Variants in SMCHD1 observed in about 807,000 individuals in gnomAD.
SMCHD1 encodes the protein structural maintenance of chromosomes flexible hinge domain-containing protein 1.
In SMCHD1, 78 loss-of-function variants were observed where a neutral mutation model predicts 254.7. The ratio of observed to expected loss-of-function variants is 0.31; its 90% CI spans 0.26 to 0.37. SMCHD1 has a LOEUF of 0.37. Ranked by LOEUF, SMCHD1 falls within the 10% of genes least tolerant of loss-of-function variation. The pLI is 1.00. For synonymous variants in SMCHD1, 766 were observed against 794.9 expected (o/e 0.96, Z 0.61); for missense variants, 1,840 against 2,408.1 (o/e 0.76, Z 4.94).
intron 17 of SMCHD1, among the ~76,000 whole-genome samples, chr18:2,708,666 T>A (rs1487709517): frequency 6.7e-6 from 1 of 150,146 alleles, no homozygotes; most frequent in Non-Finnish European, 1.5e-5. Context: ...CAGGCTGGAA[T>A]ACATAATGGC....
At chr18:2,701,113 T>C in intron 12 of SMCHD1, 195 bp downstream of exon 12, 1 of 426,696 alleles carries the variant, frequency 2.3e-6, no homozygotes, top group Non-Finnish European at 4.1e-6. Flanking sequence ...TAAACCTACC[T>C]AGTAAAGACT....
chr18:2,785,156 C>T (rs925639002), intron 45 of SMCHD1, among the ~76,000 whole-genome samples: 2 of 152,134 alleles, frequency 1.3e-5, no homozygotes, highest in African/African-American at 2.4e-5. Context: ...ATTGTCCCTG[C>T]ACGTCTGTGC....
At chr18:2,739,925 A>G (rs2075316910) in intron 27 of SMCHD1, among the ~76,000 whole-genome samples, 1 of 140,004 alleles carries the variant, frequency 7.1e-6, no homozygotes, top group East Asian at 2.4e-4. Context: ...CTCCTAAAAA[A>G]ATTCTTTTTT....
At chr18:2,682,201 G>C (rs1204015959) in intron 5 of SMCHD1, among the ~76,000 whole-genome samples, 2 of 151,634 alleles carry the variant, frequency 1.3e-5, no homozygotes, top group Non-Finnish European at 2.9e-5. Context: ...ATTCAAGATA[G>C]TGAGACATAT....
In SMCHD1 at chr18:2,728,451, T is replaced by C; in HGVS notation, c.2774-6T>C. 6.2e-7 allele frequency: 1 copy of C among 1,612,246 alleles called. No homozygotes were observed. Among genetic ancestry groups the C allele is most frequent in the Non-Finnish European group, 8.5e-7 (1 of 1,179,078 alleles). On this transcript the variant is annotated splice_polypyrimidine_tract_variant and splice_region_variant and intron_variant, in intron 22 of 47. Coordinates refer to ENST00000320876, the MANE Select transcript of SMCHD1 (RefSeq NM_015295.3). The stretch of plus-strand genomic sequence containing the variant: ...ATATGTATTTCATTGTATAATTTAC[T>C]GTTAGGTCACCCTCGTCGACTGAAA...
At chr18:2,707,457 A>C in intron 15 of SMCHD1, 106 bp from the exon 16 acceptor site, 1 of 637,798 alleles carries the variant, frequency 1.6e-6, no homozygotes, top group Non-Finnish European at 2.5e-6. Flanking sequence ...TAACCTTTTA[A>C]AATATATCAG....
chr18:2,689,292 GCTGCAAC>G (rs2074119944), intron 7 of SMCHD1, among the ~76,000 whole-genome samples: 1 of 144,154 alleles, frequency 6.9e-6, no homozygotes, highest in Non-Finnish European at 1.5e-5. Flanking sequence ...ACCTCAGCTC[GCTGCAAC>G]CTCCACCTCC....
chr18:2,722,436 A>G, intron 19 of SMCHD1, 83 bp from the exon 20 acceptor site: 2 of 1,143,624 alleles, frequency 1.7e-6, no homozygotes, highest in Admixed American at 2.4e-5. Context: ...AATTTCTCAG[A>G]TAGAAATGGA....
rs996624499 is a variant in SMCHD1, at chr18:2,796,312, C to A, written c.5879-95C>A. 4.4e-6 allele frequency: 4 copies of A among 906,166 alleles called. No individual in the cohort carries two copies. The African/African-American group carries it at 6.8e-5, about 15-fold the overall frequency. 56.1% of individuals were successfully genotyped at this position (906,166 alleles called of 1,614,324 possible). ...GCATTCTCAGTATACTTTCTTAATT[C>A]TTTTTCTATAAATTATGACATATTC... On this transcript the variant is annotated intron_variant, in intron 46 of 47. Transcript: ENST00000320876.
chr18:2,769,942 A>T (rs755616056), intron 38 of SMCHD1, 47 bp from the exon 39 acceptor site: 20 of 1,541,514 alleles, frequency 1.3e-5, no homozygotes, highest in Non-Finnish European at 1.7e-5. Context: ...ATATTTTAGA[A>T]AAGTCAGTTT....
chr18:2,791,495 G>A (rs1363142222), intron 45 of SMCHD1, among the ~76,000 whole-genome samples: 1 of 152,212 alleles, frequency 6.6e-6, no homozygotes, highest in African/African-American at 2.4e-5. Context: ...TGTGAGCCGT[G>A]ATTGAGCTAC....
chr18:2,732,974 G>A (rs902898191), intron 25 of SMCHD1, among the ~76,000 whole-genome samples: 1 of 152,156 alleles, frequency 6.6e-6, no homozygotes, highest in Non-Finnish European at 1.5e-5. Context: ...AGTTTTGTTG[G>A]TCCTCATCAA....
intron 47 of SMCHD1, among the ~76,000 whole-genome samples, chr18:2,801,542 A>G (rs1229234408): frequency 6.6e-6 from 1 of 152,190 alleles, no homozygotes. Flanking sequence ...TCAAGAGGTC[A>G]GAGCATTTGA....
chr18:2,772,389 C>T lies in SMCHD1; in HGVS notation c.5175+17C>T, dbSNP rs1402484961. ...TTGGGAAAGGTTTGTGTTTATTAAGCCTTTTGAAAGGCAGTACATTTTATT... is the reference window on the plus strand; with the variant it reads ...TTGGGAAAGGTTTGTGTTTATTAAGTCTTTTGAAAGGCAGTACATTTTATT... On this transcript the variant is annotated intron_variant, in intron 41 of 47. Coordinates refer to ENST00000320876, the MANE Select transcript of SMCHD1 (RefSeq NM_015295.3). The T allele has an allele frequency of 6.5e-7, 1 of 1,533,646 alleles. No homozygotes were observed. Among genetic ancestry groups the T allele is most frequent in the South Asian group, 1.3e-5 (1 of 78,776 alleles).
At chr18:2,761,993 A>G in intron 35 of SMCHD1, 112 bp from the exon 36 acceptor site, 1 of 825,850 alleles carries the variant, frequency 1.2e-6, no homozygotes, top group South Asian at 2.5e-5. Flanking sequence ...AATAAATTTT[A>G]GAAGGTAACA....
intron 3 of SMCHD1, among the ~76,000 whole-genome samples, chr18:2,671,216 G>A (rs1163668935): frequency 6.6e-6 from 1 of 152,066 alleles, no homozygotes; most frequent in African/African-American, 2.4e-5. Flanking sequence ...GATTACAGGC[G>A]TGAGCCACTG....
chr18:2,790,860 C>G (rs2076308480), intron 45 of SMCHD1, among the ~76,000 whole-genome samples: 1 of 152,116 alleles, frequency 6.6e-6, no homozygotes, highest in African/African-American at 2.4e-5. Flanking sequence ...TTATCTTTAT[C>G]TAAGTATCAG....
chr18:2,781,152 C>A (rs187543202), intron 44 of SMCHD1, among the ~76,000 whole-genome samples: 81 of 152,306 alleles, frequency 5.3e-4, no homozygotes, highest in Non-Finnish European at 9.1e-4. Flanking sequence ...GGGGACACCC[C>A]CTCTGTGGGG....
At chr18:2,722,812 C>A in intron 20 of SMCHD1, 149 bp downstream of exon 20, 1 of 646,384 alleles carries the variant, frequency 1.5e-6, no homozygotes, top group Non-Finnish European at 2.4e-6. Flanking sequence ...AATTTAGCTC[C>A]AAGCTATCCT....
Sources: gnomAD v4.1 joint callset for allele counts (sites outside exome capture counted in the v4.1 genomes callset) on GRCh38, gnomAD v4.1.1 for gene constraint, MANE v1.5 for transcripts, NCBI Gene and HGNC (gene_info 2026-07-23, HGNC 2026-07-21) for gene names.